Variants in ANKRD50 observed in about 807,000 individuals in gnomAD.
The protein encoded by ANKRD50 is ankyrin repeat domain 50.
ANKRD50 carries 40 observed loss-of-function variants against 112.0 expected under a neutral mutation model. That is an observed-to-expected ratio of 0.36 (90% CI 0.28 to 0.46). ANKRD50 has a LOEUF of 0.46. Ranked by LOEUF, ANKRD50 falls within the 20% of genes least tolerant of loss-of-function variation. The pLI is 1.00. For missense variants in ANKRD50, 1,487 were observed against 1,701.7 expected (o/e 0.87, Z 2.22); for synonymous variants, 613 against 619.1 (o/e 0.99, Z 0.15).
At chr4:124,701,657 C>A (rs535477596) in intron 2 of ANKRD50, among the ~76,000 whole-genome samples, 36 of 152,076 alleles carry the variant, frequency 2.4e-4, no homozygotes, top group African/African-American at 8.4e-4. Context: ...AGGGTAAAGA[C>A]AGGCAACCAA....
chr4:124,667,549 A>G (rs1443066549), intron 4 of ANKRD50, 35 bp from the exon 5 acceptor site: 3 of 152,064 alleles, frequency 2.0e-5, no homozygotes, highest in African/African-American at 4.8e-5. Flanking sequence ...TATTTTCTAC[A>G]TTGTATTATA....
At chr4:124,682,715 G>A (rs1724921271) in intron 2 of ANKRD50, among the ~76,000 whole-genome samples, 1 of 150,146 alleles carries the variant, frequency 6.7e-6, no homozygotes, top group Admixed American at 6.6e-5. Context: ...TTTTAATTAG[G>A]GTTAGCATGG....
At chr4:124,679,195 A>G (rs755418568) in intron 2 of ANKRD50, among the ~76,000 whole-genome samples, 91 of 152,270 alleles carry the variant, frequency 6.0e-4, no homozygotes, top group Admixed American at 4.6e-3. Flanking sequence ...CTATATTTCA[A>G]TATTCCCTTT....
At chr4:124,685,519 T>C (rs1314220357) in intron 2 of ANKRD50, among the ~76,000 whole-genome samples, 1 of 152,192 alleles carries the variant, frequency 6.6e-6, no homozygotes, top group East Asian at 1.9e-4. Flanking sequence ...AACACATAAA[T>C]AATTTAGACA....
Position 124,670,038 on chromosome 4 carries a change from G to C in ANKRD50, c.3239C>G (p.Thr1080Ser). 1 of 1,611,510 alleles carries C rather than the reference G, an allele frequency of 6.2e-7. No individual in the cohort carries two copies. Among genetic ancestry groups the C allele is most frequent in the South Asian group, 1.1e-5 (1 of 90,504 alleles). The change falls in exon 4 of 5, where the codon ACT becomes AGT. Residue 1080 changes from threonine (T) to serine (S), a missense_variant. By Grantham distance (58) the Thr-to-Ser change is moderately conservative (BLOSUM62 1). Coordinates refer to ENST00000504087, the MANE Select transcript of ANKRD50 (RefSeq NM_020337.3). ...ATTTTTGGCTGCAACACGCATAGCA[G>C]TGCGTCCAAATTGATCAGCATGGTT... ...DPNHADQFGR[T>S]AMRVAAKNGH... is the part of the protein sequence containing the mutation.
intron 2 of ANKRD50, among the ~76,000 whole-genome samples, chr4:124,701,475 T>G (rs941526911): frequency 1.6e-4 from 24 of 152,358 alleles, no homozygotes; most frequent in Admixed American, 8.5e-4. Context: ...AGCAATTACA[T>G]AAACATTTTC....
intron 3 of ANKRD50, among the ~76,000 whole-genome samples, chr4:124,674,408 G>A (rs1168020323): frequency 1.3e-5 from 2 of 151,862 alleles, no homozygotes; most frequent in East Asian, 1.9e-4. Context: ...AGGAATAAAG[G>A]AGAGCTACAT....
intron 2 of ANKRD50, among the ~76,000 whole-genome samples, chr4:124,681,928 T>C (rs956229163): frequency 6.6e-6 from 1 of 152,230 alleles, no homozygotes; most frequent in Admixed American, 6.5e-5. Flanking sequence ...CAGTTATCTA[T>C]ATCTGTATTA....
chr4:124,697,851 A>G (rs1348839832), intron 2 of ANKRD50, among the ~76,000 whole-genome samples: 1 of 152,098 alleles, frequency 6.6e-6, no homozygotes, highest in Non-Finnish European at 1.5e-5. Flanking sequence ...GAGGATGGGC[A>G]GCAGGAGATG....
At position 124,686,300 on chromosome 4, in the gene ANKRD50, C is replaced by CGA. The variant is rs565763079; in HGVS notation, c.513-7396_513-7395insTC. 7.6e-4 allele frequency among the ~76,000 whole-genome samples: 115 copies of CGA among 152,228 alleles called. 3 individuals carry two copies. In the South Asian group the frequency reaches 0.023, roughly 30 times the overall value. On this transcript the variant is annotated intron_variant, in intron 2 of 4. Coordinates refer to ENST00000504087, the MANE Select transcript of ANKRD50 (RefSeq NM_020337.3). Reference sequence around the variant, plus strand: ...ACATAGAGTATTAGGAAGAATGTCCCTCCTAGCCTTTTAACAAAACACCTC... The same window carrying CGA: ...ACATAGAGTATTAGGAAGAATGTCCCGATCCTAGCCTTTTAACAAAACACCTC...
chr4:124,692,580 G>T (rs1272222243), intron 2 of ANKRD50, among the ~76,000 whole-genome samples: 3 of 151,992 alleles, frequency 2.0e-5, no homozygotes, highest in Non-Finnish European at 4.4e-5. Flanking sequence ...TAAGAGGCAG[G>T]GCCTGTAGGA....
At chr4:124,705,326 A>G (rs1725482063) in intron 2 of ANKRD50, among the ~76,000 whole-genome samples, 1 of 152,188 alleles carries the variant, frequency 6.6e-6, no homozygotes, top group Non-Finnish European at 1.5e-5. Context: ...ATTTTCTATT[A>G]AACTCTCAAA....
In ANKRD50 at chr4:124,671,338, C is replaced by T; in HGVS notation, c.1939G>A (p.Ala647Thr). ...VDCADADSRT[A>T]LRAAAWGGHE... ...CCTCCCCATGCTGCTGCTCTCAAAGCTGTTCGGCTATCAGCATCTGCACAA... is the reference window on the plus strand; with the variant it reads ...CCTCCCCATGCTGCTGCTCTCAAAGTTGTTCGGCTATCAGCATCTGCACAA... The change falls in exon 4 of 5, where the codon GCT (alanine) becomes ACT (threonine). Residue 647 changes from alanine to threonine, a missense_variant. Physicochemically the swap from Ala to Thr is moderately conservative, Grantham distance 58. Transcript: ENST00000504087. 4 of 1,613,850 alleles carry T rather than the reference C, an allele frequency of 2.5e-6. No homozygotes were observed. The highest frequency in any genetic ancestry group is 3.4e-6 in the Non-Finnish European group (4 of 1,179,858).
rs551271977 is a variant in ANKRD50, at chr4:124,669,028, A to T, written c.4249T>A (p.Ser1417Thr). ...KQALKLQIEG[S>T]DPSFNYKKET... The stretch of plus-strand genomic sequence containing the variant: ...TTTTTATAGTTGAAGCTAGGGTCAG[A>T]ACCTTCAATCTGAAGCTTCAGAGCT... Residue 1417 changes from serine to threonine, a missense_variant, in exon 4 of 5, where the codon TCT becomes ACT. Transcript: ENST00000504087. 4 of 1,612,040 alleles carry T rather than the reference A, an allele frequency of 2.5e-6. No individual in the cohort carries two copies. Among genetic ancestry groups the T allele is most frequent in the Non-Finnish European group, 3.4e-6 (4 of 1,179,342 alleles).
chr4:124,703,864 T>C (rs1195174942), intron 2 of ANKRD50, among the ~76,000 whole-genome samples: 1 of 152,142 alleles, frequency 6.6e-6, no homozygotes, highest in Admixed American at 6.5e-5. Flanking sequence ...GTTCTAAGTA[T>C]GCAAACAGGA....
chr4:124,692,901 C>T (rs912757399), intron 2 of ANKRD50, among the ~76,000 whole-genome samples: 8 of 152,126 alleles, frequency 5.3e-5, no homozygotes, highest in African/African-American at 1.2e-4. Context: ...TGTAGAAGCA[C>T]GATCTCTATG....
rs755384024 is a variant in ANKRD50, at chr4:124,672,392, C to G, written c.885G>C (p.Leu295=). The G allele has an allele frequency of 8.1e-6, 13 of 1,613,136 alleles. No individual in the cohort carries two copies. The highest frequency in any genetic ancestry group is 9.3e-6 in the Non-Finnish European group (11 of 1,179,736). Residue 295 remains leucine (L), a synonymous_variant, in exon 4 of 5, where the codon CTG becomes CTC. Transcript: ENST00000504087. ...TKETAEMLNQ[L]HIKSSGCFLY... is the part of the protein sequence containing the mutation. ...GAAAGCATCCACTGCTTTTAATGTG[C>G]AGTTGATTTAACATCTCTGCAGTTT...
At chr4:124,668,392 CTTCT>C (rs745378240) in intron 4 of ANKRD50, among the ~76,000 whole-genome samples, 6 of 152,122 alleles carry the variant, frequency 3.9e-5, no homozygotes, top group South Asian at 2.1e-4. Flanking sequence ...AAGTTTTTGA[CTTCT>C]TTCTGAGTGA....
At chr4:124,699,353 A>G (rs922444668) in intron 2 of ANKRD50, among the ~76,000 whole-genome samples, 1 of 151,808 alleles carries the variant, frequency 6.6e-6, no homozygotes, top group East Asian at 1.9e-4. Context: ...ACAATCTATT[A>G]TTTCCCCAAC....
Sources: gnomAD v4.1 joint callset for allele counts (sites outside exome capture counted in the v4.1 genomes callset) on GRCh38, gnomAD v4.1.1 for gene constraint, MANE v1.5 for transcripts, NCBI Gene and HGNC (gene_info 2026-07-23, HGNC 2026-07-21) for gene names.